Variants in INO80E observed in about 807,000 individuals in gnomAD.
INO80E encodes the protein INO80 complex subunit E, also known as coiled-coil domain containing 95.
Under a neutral mutation model 27.3 loss-of-function variants are expected in INO80E, and 20 were observed. The observed-to-expected ratio is 0.73, with a 90% CI of 0.51 to 1.06. The LOEUF is 1.06. Among genes scored for constraint, INO80E ranks in the 50% least tolerant of loss-of-function variants. The pLI is 0.00. For synonymous variants in INO80E, 167 were observed against 145.9 expected (o/e 1.14, Z -1.04); for missense variants, 357 against 322.8 (o/e 1.11, Z -0.81).
At chr16:30,001,241 A>C (rs1176484805) in intron 5 of INO80E, 173 bp from the exon 6 acceptor site, 1 of 1,493,530 alleles carries the variant, frequency 6.7e-7, no homozygotes, top group East Asian at 2.5e-5. Context: ...TGAGGAGAGC[A>C]AAGCCCAGGA....
rs750992629 is a variant in INO80E at position 30,000,911 on chromosome 16, G to T, written c.285-18G>T. ...TGGGCTCCTAGCCACATCTGACCTC[G>T]CCCTGTCCTTTCTCCAGGAAGAGAA... On this transcript the variant is annotated intron_variant, in intron 4 of 6. Transcript: ENST00000563197. 4 of 1,607,552 alleles carry T rather than the reference G, an allele frequency of 2.5e-6. No individual in the cohort carries two copies. Among genetic ancestry groups the T allele is most frequent in the Admixed American group, 3.3e-5 (2 of 59,768 alleles).
intron 3 of INO80E, 59 bp downstream of exon 3, chr16:29,996,919 C>T (rs916687788): frequency 1.3e-6 from 2 of 1,546,734 alleles, no homozygotes; most frequent in East Asian, 2.2e-5. Context: ...AGCAAGCTTC[C>T]TGGGCCCCCG....
chr16:30,004,166 G>A (rs942031942), intron 6 of INO80E: 2 of 152,374 alleles, frequency 1.3e-5, no homozygotes, highest in African/African-American at 4.8e-5. Context: ...GGACCCAGCA[G>A]GCCTAAGCCT....
intron 3 of INO80E, among the ~76,000 whole-genome samples, chr16:29,998,522 A>G (rs1288351899): frequency 6.6e-6 from 1 of 152,242 alleles, no homozygotes; most frequent in African/African-American, 2.4e-5. Context: ...ACAAAGTTTA[A>G]CGAAACATTT....
intron 6 of INO80E, chr16:30,001,757 T>G: frequency 2.0e-6 from 1 of 493,812 alleles, no homozygotes. Flanking sequence ...ATGCCAGGGA[T>G]CCCGCCCTTT....
chr16:30,005,234 C>A lies in INO80E; in HGVS notation c.527C>A (p.Pro176His), dbSNP rs1290889042. ...LPRKLKMAVG[P>H]PDCPVGGPLT... ...CCCCTGCTGCAGATGGCGGTGGGAC[C>A]CCCCGACTGCCCTGTGGGAGGGCCG... The change falls in exon 7 of 7, where the codon CCC becomes CAC. Residue 176 changes from proline (P) to histidine (H), a missense_variant. Transcript: ENST00000563197. 2.8e-6 allele frequency: 4 copies of A among 1,448,000 alleles called. No homozygotes were observed. The highest frequency in any genetic ancestry group is 1.5e-5 in the African/African-American group (1 of 67,580). The allele number at this position is 1,448,000 out of a possible 1,614,324, so 89.7% of individuals were successfully genotyped here.
chr16:29,996,760 A>T, intron 2 of INO80E, 48 bp from the exon 3 acceptor site: 1 of 1,608,676 alleles, frequency 6.2e-7, no homozygotes, highest in Non-Finnish European at 8.5e-7. Context: ...CCAGGAGGAC[A>T]TTGCTGCGCT....
intron 3 of INO80E, among the ~76,000 whole-genome samples, chr16:29,998,985 C>T (rs184303120): frequency 6.6e-6 from 1 of 151,470 alleles, no homozygotes; most frequent in East Asian, 1.9e-4. Flanking sequence ...GCGGAGCTTG[C>T]AGTGAGCCGA....
At position 29,999,044 on chromosome 16, in the gene INO80E, CAAA is replaced by C. The variant is rs539871845; in HGVS notation, c.206-1702_206-1700del. 4.7e-3 allele frequency among the ~76,000 whole-genome samples: 579 copies of C among 123,546 alleles called. 2 individuals are homozygous for C. Among genetic ancestry groups the C allele is most frequent in the African/African-American group, 0.017 (556 of 33,138 alleles). The allele number at this position is 123,546 out of a possible 152,430, so 81.1% of individuals were successfully genotyped here. A position where few individuals can be genotyped will look rare whatever the true frequency, so the allele number is the denominator to read the frequency against. On this transcript the variant is annotated intron_variant, in intron 3 of 6. Coordinates refer to ENST00000563197, the MANE Select transcript of INO80E (RefSeq NM_173618.3). ...TGGGCAACAGAGCAAGACTCCGTCT[CAAA>C]AAAAAAAAAAAGCACATTGGTCTGA...
Position 30,005,119 on chromosome 16 carries a change from C to T in INO80E, c.514-102C>T, listed in dbSNP as rs1324172708. On this transcript the variant is annotated intron_variant, in intron 6 of 6. Coordinates refer to ENST00000563197, the MANE Select transcript of INO80E (RefSeq NM_173618.3). ...GGGTTGGCCCAGCTGTGCCCAGGGC[C>T]TCTTCCCCCTCCCCAGAGCTGCCCT... 4.6e-6 allele frequency: 6 copies of T among 1,299,872 alleles called. No homozygotes were observed. The African/African-American group carries it at 9.3e-5, about 20-fold the overall frequency. 80.5% of individuals were successfully genotyped at this position (1,299,872 alleles called of 1,614,324 possible). A position where few individuals can be genotyped will look rare whatever the true frequency, so the allele number is the denominator to read the frequency against.
At position 30,005,308 on chromosome 16, in the gene INO80E, A is replaced by AAACC; in HGVS notation, c.601_602insAACC (p.Thr201LysfsTer8). 1 of 521,332 alleles carries AAACC rather than the reference A, an allele frequency of 1.9e-6. No homozygotes were observed. Among genetic ancestry groups the AAACC allele is most frequent in the Non-Finnish European group, 3.0e-6 (1 of 335,732 alleles). 32.3% of individuals were successfully genotyped at this position (521,332 alleles called of 1,614,324 possible). A position where few individuals can be genotyped will look rare whatever the true frequency, so the allele number is the denominator to read the frequency against. ...TGGGGCTGGGGTCGGGACAACCCTG[A>AAACC]CCCCCCTCCCACCCCCTAAGATGCC... is the stretch of plus-strand genomic sequence containing the variant. On this transcript the variant is annotated frameshift_variant, in exon 7 of 7. Transcript: ENST00000563197. LOFTEE classifies it high-confidence loss of function.
rs1213069868 is a variant in INO80E, at chr16:29,996,274, G to A, written c.-37G>A. The A allele has an allele frequency of 6.4e-7, 1 of 1,555,160 alleles. No individual in the cohort carries two copies. Among genetic ancestry groups the A allele is most frequent in the Non-Finnish European group, 8.7e-7 (1 of 1,148,042 alleles). ...CACGGCAGCCACTGCTTGGGGTAGCGGGAGGGCAGACTCTGGGCGCCACTC... is the reference window on the plus strand; with the variant it reads ...CACGGCAGCCACTGCTTGGGGTAGCAGGAGGGCAGACTCTGGGCGCCACTC... On this transcript the variant is annotated 5_prime_UTR_variant, in exon 1 of 7. Coordinates refer to ENST00000563197, the MANE Select transcript of INO80E (RefSeq NM_173618.3).
chr16:29,996,925 C>A (rs184528092), intron 3 of INO80E, 65 bp downstream of exon 3: 2 of 1,529,012 alleles, frequency 1.3e-6, no homozygotes, highest in East Asian at 2.3e-5. Flanking sequence ...CTTCCTGGGC[C>A]CCCGCCTTTT....
At chr16:29,998,270 A>G (rs1410693058) in intron 3 of INO80E, among the ~76,000 whole-genome samples, 1 of 150,974 alleles carries the variant, frequency 6.6e-6, no homozygotes, top group East Asian at 1.9e-4. Context: ...CAGCCTGGGC[A>G]ACAGAGCCAG....
At chr16:30,001,595 T>C (rs2070358885) in intron 6 of INO80E, 65 bp downstream of exon 6, 1 of 1,481,284 alleles carries the variant, frequency 6.8e-7, no homozygotes, top group Non-Finnish European at 9.3e-7. Flanking sequence ...TGAGGGAGGC[T>C]GAAGGCGGGG....
Position 30,005,537 on chromosome 16 carries a change from C to G in INO80E, c.*95C>G, listed in dbSNP as rs2070546852. 1 of 1,169,242 alleles carries G rather than the reference C, an allele frequency of 8.6e-7. No individual in the cohort carries two copies. The highest frequency in any genetic ancestry group is 2.7e-5 in the East Asian group (1 of 37,102). 72.4% of individuals were successfully genotyped at this position (1,169,242 alleles called of 1,614,324 possible). A position where few individuals can be genotyped will look rare whatever the true frequency, so the allele number is the denominator to read the frequency against. On this transcript the variant is annotated 3_prime_UTR_variant, in exon 7 of 7. Coordinates refer to ENST00000563197, the MANE Select transcript of INO80E (RefSeq NM_173618.3). ...GCTTCCTCGGAGGTGTTTATTGATG[C>G]CCAGCTGCCATGCTCCGGCCACTGA... is the stretch of plus-strand genomic sequence containing the variant.
In INO80E at chr16:29,996,960, C is replaced by G; in HGVS notation, c.205+100C>G. 4.4e-6 allele frequency: 5 copies of G among 1,138,416 alleles called. No homozygotes were observed. The Admixed American group carries it at 8.8e-5, about 20-fold the overall frequency. 70.5% of individuals were successfully genotyped at this position (1,138,416 alleles called of 1,614,324 possible). Reference sequence around the variant, plus strand: ...TAGGCAGTGGTGGCTGATGCAGCCCCCAGTGGTCCTTAAGCCTAGTTGCTT... The same window carrying G: ...TAGGCAGTGGTGGCTGATGCAGCCCGCAGTGGTCCTTAAGCCTAGTTGCTT... On this transcript the variant is annotated intron_variant, in intron 3 of 6. Coordinates refer to ENST00000563197, the MANE Select transcript of INO80E (RefSeq NM_173618.3).
chr16:29,998,268 G>A (rs8056216), intron 3 of INO80E, among the ~76,000 whole-genome samples: 20,375 of 148,410 alleles, frequency 0.14, 2,471 homozygotes, highest in African/African-American at 0.32. Context: ...TCCAGCCTGG[G>A]CAACAGAGCC....
In INO80E at chr16:30,003,419, TTGTC is replaced by T. The variant is rs2070419359; in HGVS notation, c.514-1798_514-1795del. 6.6e-6 allele frequency: 1 copy of T among 151,990 alleles called. No individual in the cohort carries two copies. The highest frequency in any genetic ancestry group is 6.6e-5 in the Admixed American group (1 of 15,254). 9.4% of individuals were successfully genotyped at this position (151,990 alleles called of 1,614,324 possible). On this transcript the variant is annotated intron_variant, in intron 6 of 6. Coordinates refer to ENST00000563197, the MANE Select transcript of INO80E (RefSeq NM_173618.3). This position sits in a 1 kb window ranked among gnomAD's most constrained non-coding sequence, Gnocchi z 4.4. Reference sequence around the variant, plus strand: ...CTGGACAGTGGCCTGAAGTGGGAATTTGTCTGTTACTGTCAGGGGAGCGGGAGTC... The same window carrying T: ...CTGGACAGTGGCCTGAAGTGGGAATTTGTTACTGTCAGGGGAGCGGGAGTC...
Sources: gnomAD v4.1 joint callset for allele counts (sites outside exome capture counted in the v4.1 genomes callset) on GRCh38, gnomAD v4.1.1 for gene constraint, Gnocchi (gnomAD v3.1) non-coding constraint, MANE v1.5 for transcripts, NCBI Gene and HGNC (gene_info 2026-07-23, HGNC 2026-07-21) for gene names.